The following RDH12 variants were observed in gnomAD, a reference collection of about 807,000 sequenced individuals.
RDH12 encodes retinol dehydrogenase 12.
RDH12 carries 21 observed loss-of-function variants against 34.0 expected under a neutral mutation model. The observed-to-expected ratio is 0.62, with a 90% confidence interval of 0.44 to 0.89. The LOEUF is 0.89. RDH12 is among the 40% of genes least tolerant of loss of function. The pLI is 0.00. For missense variants in RDH12, 394 were observed against 398.6 expected (o/e 0.99, Z 0.10); for synonymous variants, 198 against 169.9 (o/e 1.17, Z -1.29).
In RDH12 at chr14:67,733,782, A is replaced by G; in HGVS notation, c.885A>G (p.Arg295=). The G allele has an allele frequency of 6.2e-7, 1 of 1,613,508 alleles. No individual in the cohort carries two copies. The highest frequency in any genetic ancestry group is 8.5e-7 in the Non-Finnish European group (1 of 1,179,608). Residue 295 remains arginine, a synonymous_variant, in exon 9 of 9, where the codon CGA becomes CGG. Transcript: ENST00000551171. Reference sequence around the variant, plus strand: ...GGACCTGGGTGTCTCCAAGGGCCCGAAATAACAAAACAGCTGAGCGCCTAT... The same window carrying G: ...GGACCTGGGTGTCTCCAAGGGCCCGGAATAACAAAACAGCTGAGCGCCTAT... The part of the protein sequence containing the change: ...CKRTWVSPRA[R]NNKTAERLWN...
chr14:67,706,469 G>C (rs968838520), intron 1 of RDH12, among the ~76,000 whole-genome samples: 13 of 152,158 alleles, frequency 8.5e-5, no homozygotes, highest in Admixed American at 1.3e-4. Context: ...AGGGAGACAC[G>C]GGACATCAAT....
chr14:67,731,207 CTTTTTTTTTTT>C (rs71129853), intron 8 of RDH12, among the ~76,000 whole-genome samples: 2 of 90,622 alleles, frequency 2.2e-5, no homozygotes, highest in Non-Finnish European at 4.0e-5. Context: ...TTCTTTCTTT[CTTTTTTTTTTT>C]TTTTTTTTTT....
chr14:67,719,138 A>G (rs2038097388), intron 1 of RDH12, among the ~76,000 whole-genome samples: 1 of 152,248 alleles, frequency 6.6e-6, no homozygotes, highest in South Asian at 2.1e-4. Flanking sequence ...TGGAGGGTAC[A>G]ATACAGAGGT....
rs1255934686 is a variant in RDH12 at position 67,729,264 on chromosome 14, C to T, written c.732C>T (p.Leu244=). ...AGCTGGTCCGGCACTCCTCCCTGCT[C>T]TGCCTGCTCTGGCGGCTCTTCTCCC... ...RSELVRHSSL[L]CLLWRLFSPF... The change falls in exon 8 of 9, where the codon CTC becomes CTT. Residue 244 remains leucine, a synonymous_variant. Coordinates refer to ENST00000551171, the MANE Select transcript of RDH12 (RefSeq NM_152443.3). 1.9e-6 allele frequency: 3 copies of T among 1,607,968 alleles called. No individual in the cohort carries two copies. Among genetic ancestry groups the T allele is most frequent in the South Asian group, 1.1e-5 (1 of 91,016 alleles).
chr14:67,706,978 A>G (rs2037957455), intron 1 of RDH12, among the ~76,000 whole-genome samples: 1 of 152,244 alleles, frequency 6.6e-6, no homozygotes, highest in Admixed American at 6.5e-5. Flanking sequence ...AATAAACAAA[A>G]GAAAAATCCT....
intron 1 of RDH12, among the ~76,000 whole-genome samples, chr14:67,704,239 C>T (rs4902510): frequency 0.037 from 5,597 of 152,116 alleles, 299 homozygotes; most frequent in African/African-American, 0.12. Flanking sequence ...GTTCTGATTA[C>T]GGGGGTAGAA....
Position 67,725,113 on chromosome 14 carries a change from A to G in RDH12, c.202A>G (p.Ile68Val), listed in dbSNP as rs748754343. 9.3e-6 allele frequency: 15 copies of G among 1,614,042 alleles called. No homozygotes were observed. The Admixed American group carries it at 2.5e-4, about 27-fold the overall frequency. ...ELASRGARVY[I>V]ACRDVLKGES... ...CTTGGACCCAGGAGCCCGAGTCTAT[A>G]TTGCCTGCAGAGATGTACTGAAGGG... The change falls in exon 5 of 9, where the codon ATT becomes GTT. Residue 68 changes from isoleucine to valine, a missense_variant. Physicochemically the swap from Ile to Val is conservative, Grantham distance 29 (BLOSUM62 3). Transcript: ENST00000551171.
chr14:67,706,684 G>T (rs1238322718), intron 1 of RDH12, among the ~76,000 whole-genome samples: 1 of 152,170 alleles, frequency 6.6e-6, no homozygotes, highest in Non-Finnish European at 1.5e-5. Flanking sequence ...AAGCAGGTTT[G>T]CCCTAAACAG....
chr14:67,720,481 T>G (rs1764503378), intron 1 of RDH12, among the ~76,000 whole-genome samples: 2 of 152,266 alleles, frequency 1.3e-5, no homozygotes, highest in Admixed American at 1.3e-4. Context: ...TTTCTCATAC[T>G]TACGTCTTTG....
At chr14:67,705,002 C>T (rs970218083) in intron 1 of RDH12, among the ~76,000 whole-genome samples, 2 of 152,188 alleles carry the variant, frequency 1.3e-5, no homozygotes, top group African/African-American at 4.8e-5. Context: ...AGGGAGGTCA[C>T]TCTGAAATCC....
Position 67,725,259 on chromosome 14 carries a change from G to A in RDH12, c.343+5G>A, listed in dbSNP as rs1236938342. 9 of 1,612,620 alleles carry A rather than the reference G, an allele frequency of 5.6e-6. No individual in the cohort carries two copies. Among genetic ancestry groups the A allele is most frequent in the South Asian group, 1.1e-5 (1 of 91,010 alleles). ...TTGCTGAGGGCTTTCTGGCAGGTGAGGTCCTGATGGGTAGGTAGAAAAGCA... is the reference window on the plus strand; with the variant it reads ...TTGCTGAGGGCTTTCTGGCAGGTGAAGTCCTGATGGGTAGGTAGAAAAGCA... On this transcript the variant is annotated splice_donor_5th_base_variant and intron_variant, in intron 5 of 8. Coordinates refer to ENST00000551171, the MANE Select transcript of RDH12 (RefSeq NM_152443.3).
At chr14:67,719,097 G>T (rs926010426) in intron 1 of RDH12, among the ~76,000 whole-genome samples, 1 of 152,220 alleles carries the variant, frequency 6.6e-6, no homozygotes, top group African/African-American at 2.4e-5. Context: ...AAGGAAGGGG[G>T]ACTCCTCATA....
At chr14:67,730,987 T>C (rs1016355226) in intron 8 of RDH12, among the ~76,000 whole-genome samples, 2 of 152,184 alleles carry the variant, frequency 1.3e-5, no homozygotes, top group Non-Finnish European at 2.9e-5. Context: ...TTAAATGAGA[T>C]AAAAGATATC....
intron 1 of RDH12, among the ~76,000 whole-genome samples, chr14:67,715,857 A>T (rs1408842822): frequency 6.6e-6 from 1 of 152,210 alleles, no homozygotes. Context: ...TGCTGGGGGA[A>T]CACAAATGTA....
At chr14:67,704,853 G>C (rs1675072808) in intron 1 of RDH12, among the ~76,000 whole-genome samples, 1 of 152,164 alleles carries the variant, frequency 6.6e-6, no homozygotes, top group Non-Finnish European at 1.5e-5. Flanking sequence ...TAATAAACCA[G>C]AACATCAACC....
chr14:67,707,604 T>A (rs1396092895), intron 1 of RDH12, among the ~76,000 whole-genome samples: 1 of 152,186 alleles, frequency 6.6e-6, no homozygotes. Context: ...AATTTTTATA[T>A]TTTTAGTAGA....
intron 1 of RDH12, among the ~76,000 whole-genome samples, chr14:67,712,043 C>T (rs2038014228): frequency 6.6e-6 from 1 of 152,126 alleles, no homozygotes; most frequent in African/African-American, 2.4e-5. Flanking sequence ...CCTCAGCCCC[C>T]TGAGTAGTTG....
Position 67,727,493 on chromosome 14 carries a change from T to G in RDH12, c.658+303T>G, listed in dbSNP as rs531216342. 1.5e-3 allele frequency: 538 copies of G among 356,904 alleles called. 2 individuals carry two copies. Among genetic ancestry groups the G allele is most frequent in the Non-Finnish European group, 2.3e-3 (438 of 187,794 alleles). 22.1% of individuals were successfully genotyped at this position (356,904 alleles called of 1,614,324 possible). Reference sequence around the variant, plus strand: ...GGCTTTTTGTTTTTTTTGTTTTTTTTTTTTTGAGACTTGAGTTTCGCTCTT... The same window carrying G: ...GGCTTTTTGTTTTTTTTGTTTTTTTGTTTTTGAGACTTGAGTTTCGCTCTT... On this transcript the variant is annotated intron_variant, in intron 7 of 8. Coordinates refer to ENST00000551171, the MANE Select transcript of RDH12 (RefSeq NM_152443.3).
intron 1 of RDH12, among the ~76,000 whole-genome samples, chr14:67,719,926 C>T (rs1375883978): frequency 1.3e-5 from 2 of 152,096 alleles, no homozygotes; most frequent in African/African-American, 4.8e-5. Context: ...ATATACAATG[C>T]TATAATGGTA....
Sources: gnomAD v4.1 joint callset for allele counts (sites outside exome capture counted in the v4.1 genomes callset) on GRCh38, gnomAD v4.1.1 for gene constraint, MANE v1.5 for transcripts, NCBI Gene and HGNC (gene_info 2026-07-23, HGNC 2026-07-21) for gene names.